Variants in MLLT10 observed in about 807,000 individuals in gnomAD.
MLLT10 encodes the protein protein AF-10.
MLLT10 carries 30 observed loss-of-function variants against 129.1 expected under a neutral mutation model. That is an observed-to-expected ratio of 0.23 (90% CI 0.17 to 0.32). MLLT10 has a LOEUF of 0.32. Among genes scored for constraint, MLLT10 ranks in the 10% least tolerant of loss-of-function variants. The pLI is 1.00. For missense variants in MLLT10, 1,119 were observed against 1,268.3 expected (o/e 0.88, Z 1.79); for synonymous variants, 490 against 446.4 (o/e 1.10, Z -1.23).
intron 14 of MLLT10, among the ~76,000 whole-genome samples, chr10:21,720,587 A>G (rs1239833312): frequency 6.6e-6 from 1 of 152,248 alleles, no homozygotes; most frequent in Non-Finnish European, 1.5e-5. Flanking sequence ...TGGATCTAGA[A>G]ACATTCAAGT....
At chr10:21,635,925 CT>C (rs530505484) in intron 8 of MLLT10, among the ~76,000 whole-genome samples, 2,467 of 111,508 alleles carry the variant, frequency 0.022, 27 homozygotes, top group African/African-American at 0.037. Flanking sequence ...TGCACCTGGC[CT>C]TTTTTTTTTT....
chr10:21,613,453 T>G (rs1384381309), intron 6 of MLLT10, among the ~76,000 whole-genome samples: 1 of 152,154 alleles, frequency 6.6e-6, no homozygotes, highest in Non-Finnish European at 1.5e-5. Context: ...GTTTTTGACT[T>G]TTATAAATTC....
At chr10:21,577,988 C>A (rs745476652) in intron 3 of MLLT10, among the ~76,000 whole-genome samples, 3 of 151,572 alleles carry the variant, frequency 2.0e-5, no homozygotes, top group Non-Finnish European at 2.9e-5. Flanking sequence ...CTCTGCCTCC[C>A]GGGTTCAAGC....
chr10:21,715,743 A>C (rs2056500254), intron 14 of MLLT10, among the ~76,000 whole-genome samples: 1 of 152,220 alleles, frequency 6.6e-6, no homozygotes, highest in Non-Finnish European at 1.5e-5. Flanking sequence ...GCTAGAGGGA[A>C]AATTCCACTT....
At chr10:21,626,316 C>T (rs923607990) in intron 8 of MLLT10, 12 of 1,029,436 alleles carry the variant, frequency 1.2e-5, no homozygotes, top group South Asian at 7.9e-5. Context: ...TGGCTGGGCC[C>T]GTGAGAACCA....
At chr10:21,678,044 C>G (rs2052362919) in intron 11 of MLLT10, among the ~76,000 whole-genome samples, 1 of 152,088 alleles carries the variant, frequency 6.6e-6, no homozygotes, top group African/African-American at 2.4e-5. Context: ...TTTGTACTTC[C>G]CCTCTGAGTG....
intron 20 of MLLT10, 96 bp from the exon 21 acceptor site, chr10:21,735,043 T>C (rs2058251326): frequency 3.6e-6 from 3 of 833,822 alleles, no homozygotes; most frequent in Non-Finnish European, 3.9e-6. Context: ...ACTTAAGTTA[T>C]TAAACATCAA....
chr10:21,675,692 G>A (rs1325609003), intron 11 of MLLT10, among the ~76,000 whole-genome samples: 1 of 152,212 alleles, frequency 6.6e-6, no homozygotes, highest in African/African-American at 2.4e-5. Flanking sequence ...AAGAGGCGTA[G>A]TAATCAATCA....
intron 9 of MLLT10, among the ~76,000 whole-genome samples, chr10:21,658,666 A>G (rs573383967): frequency 7.2e-5 from 11 of 152,208 alleles, no homozygotes; most frequent in Non-Finnish European, 1.6e-4. Context: ...TGGTAGGTAT[A>G]TGCTTTTTTT....
intron 5 of MLLT10, among the ~76,000 whole-genome samples, chr10:21,604,452 T>G (rs1264429308): frequency 3.3e-5 from 5 of 151,962 alleles, no homozygotes; most frequent in Non-Finnish European, 5.9e-5. Context: ...TAGCGAGGTG[T>G]AGTGGCACAC....
chr10:21,645,253 C>T (rs1428316192), intron 8 of MLLT10, among the ~76,000 whole-genome samples: 2 of 152,128 alleles, frequency 1.3e-5, no homozygotes, highest in African/African-American at 4.8e-5. Context: ...TGAATATCTG[C>T]CCCTGCTTCC....
intron 3 of MLLT10, among the ~76,000 whole-genome samples, chr10:21,555,772 G>C (rs566330752): frequency 1.3e-5 from 2 of 148,580 alleles, no homozygotes; most frequent in Non-Finnish European, 3.0e-5. Context: ...GGTTCAAGTG[G>C]TTCTTCTGCC....
intron 9 of MLLT10, among the ~76,000 whole-genome samples, chr10:21,669,806 A>C (rs2051199944): frequency 6.6e-6 from 1 of 152,338 alleles, no homozygotes; most frequent in South Asian, 2.1e-4. Flanking sequence ...ACAAATGCAG[A>C]TCAAGGGAAT....
At chr10:21,615,850 A>G (rs1026894765) in intron 7 of MLLT10, among the ~76,000 whole-genome samples, 1 of 152,190 alleles carries the variant, frequency 6.6e-6, no homozygotes, top group African/African-American at 2.4e-5. Context: ...ACATATTTGT[A>G]TCCATGTTCC....
chr10:21,567,126 G>C (rs936375861), intron 3 of MLLT10, among the ~76,000 whole-genome samples: 1 of 151,724 alleles, frequency 6.6e-6, no homozygotes, highest in South Asian at 2.1e-4. Context: ...GTATCTTTTT[G>C]GTATCACAAA....
intron 3 of MLLT10, among the ~76,000 whole-genome samples, chr10:21,551,457 G>T (rs1299321274): frequency 2.0e-5 from 3 of 151,032 alleles, no homozygotes; most frequent in Non-Finnish European, 4.4e-5. Context: ...TTTAAATTCA[G>T]CATAATATCG....
At position 21,740,208 on chromosome 10, in the gene MLLT10, A is replaced by G; in HGVS notation, c.3134A>G (p.His1045Arg). ...TATTNPFLTI[H>R]GDNASQKVAR... ...ACCACCAACCCATTTCTCACCATCCATGGAGATAATGCAAGTCAGAAAGTA... is the reference window on the plus strand; with the variant it reads ...ACCACCAACCCATTTCTCACCATCCGTGGAGATAATGCAAGTCAGAAAGTA... Residue 1045 changes from histidine (H) to arginine (R), a missense_variant, in exon 22 of 23, where the codon CAT becomes CGT. Physicochemically the swap from His to Arg is conservative, Grantham distance 29. Coordinates refer to ENST00000307729, the MANE Select transcript of MLLT10 (RefSeq NM_001195626.3). 6.2e-7 allele frequency: 1 copy of G among 1,614,134 alleles called. No homozygotes were observed. The highest frequency in any genetic ancestry group is 8.5e-7 in the Non-Finnish European group (1 of 1,180,020).
At chr10:21,635,981 A>T (rs1457735431) in intron 8 of MLLT10, among the ~76,000 whole-genome samples, 1 of 140,770 alleles carries the variant, frequency 7.1e-6, no homozygotes, top group Non-Finnish European at 1.5e-5. Flanking sequence ...CTGTCAAATC[A>T]TAGCTCTCTT....
At chr10:21,741,833 G>C in intron 22 of MLLT10, 106 bp from the exon 23 acceptor site, 1 of 1,186,392 alleles carries the variant, frequency 8.4e-7, no homozygotes, top group South Asian at 1.4e-5. Context: ...AAGAAAAAAG[G>C]GAGTAACTTT....
Sources: allele counts gnomAD v4.1 joint callset (sites outside exome capture counted in the v4.1 genomes callset), GRCh38; gene constraint gnomAD v4.1.1; transcripts MANE v1.5; gene names NCBI Gene and HGNC (gene_info 2026-07-23, HGNC 2026-07-21).